Variants in SEMA4D observed in about 807,000 individuals in gnomAD.
SEMA4D encodes semaphorin 4D, also known as semaphorin-4D.
SEMA4D carries 22 observed loss-of-function variants against 74.8 expected under a neutral mutation model. That is an observed-to-expected ratio of 0.29 (90% CI 0.21 to 0.42). SEMA4D has a LOEUF of 0.42. SEMA4D is among the 10% of genes least tolerant of loss of function. The probability of loss-of-function intolerance (pLI) is 1.00; values close to 1 mark genes in which losing one functional copy is unlikely to be tolerated. For missense variants in SEMA4D, 937 were observed against 1,118.4 expected (o/e 0.84, Z 2.31); for synonymous variants, 445 against 463.7 (o/e 0.96, Z 0.52).
At chr9:89,445,907 C>T (rs1852710981) in intron 2 of SEMA4D, among the ~76,000 whole-genome samples, 1 of 152,140 alleles carries the variant, frequency 6.6e-6, no homozygotes, top group Non-Finnish European at 1.5e-5. Flanking sequence ...TCTCTGCAGG[C>T]TCAGCTGGAG....
intron 2 of SEMA4D, among the ~76,000 whole-genome samples, chr9:89,426,457 CCAGGACATGG>C (rs1848125495): frequency 1.3e-5 from 2 of 152,192 alleles, no homozygotes; most frequent in Admixed American, 6.5e-5. Flanking sequence ...GGCCTCCTCC[CCAGGACATGG>C]CTTTTGCCAG....
In SEMA4D at chr9:89,467,530, G is replaced by GTT. The variant is rs1256771251; in HGVS notation, c.-309-11578_-309-11577insAA. Among the ~76,000 whole-genome samples the GTT allele has an allele frequency of 5.8e-5, 8 of 137,466 alleles. 1 individual carries two copies. The highest frequency in any genetic ancestry group is 7.2e-5 in the Admixed American group (1 of 13,820). The allele number at this position is 137,466 out of a possible 152,430, so 90.2% of individuals were successfully genotyped here. A position where few individuals can be genotyped will look rare whatever the true frequency, so the allele number is the denominator to read the frequency against. On this transcript the variant is annotated intron_variant, in intron 1 of 15. Coordinates refer to ENST00000422704, the MANE Select transcript of SEMA4D (RefSeq NM_001371194.2). The stretch of plus-strand genomic sequence containing the variant: ...GGGGGAACCACACCTGGGAGCGCAT[G>GTT]ATTTTTTTTTTTTTTTTTTGAGACA...
At position 89,415,330 on chromosome 9, in the gene SEMA4D, T is replaced by C. The variant is rs183489775; in HGVS notation, c.-243-9631A>G. Among the ~76,000 whole-genome samples, 205 of 152,130 alleles carry C rather than the reference T, an allele frequency of 1.3e-3. 8 individuals are homozygous for C. In the East Asian group the frequency reaches 0.036, roughly 26 times the overall value. On this transcript the variant is annotated intron_variant, in intron 2 of 15. Transcript: ENST00000422704. ...ACTGGACACTGGCTCCCAGGCACAGTGTGGGGTTGTTCTGGGAAGTGGCTG... is the reference window on the plus strand; with the variant it reads ...ACTGGACACTGGCTCCCAGGCACAGCGTGGGGTTGTTCTGGGAAGTGGCTG...
rs1414309322 is a variant in SEMA4D at position 89,385,244 on chromosome 9, G to A, written c.1446+1123C>T. On this transcript the variant is annotated intron_variant, in intron 13 of 15. Transcript: ENST00000422704. ...AGCCTCCACCAGCCTGGGTCCCTAA[G>A]TGACCCTTGGAACAGAGTGTCATTC... 13 of 984,470 alleles carry A rather than the reference G, an allele frequency of 1.3e-5. No homozygotes were observed. The Admixed American group carries it at 2.5e-4, about 19-fold the overall frequency. 61.0% of individuals were successfully genotyped at this position (984,470 alleles called of 1,614,324 possible).
chr9:89,385,805 G>T, intron 13 of SEMA4D: 2 of 673,000 alleles, frequency 3.0e-6, no homozygotes, highest in Non-Finnish European at 3.7e-6. Flanking sequence ...CCCACAAGGT[G>T]GTTGGAGGTC....
intron 2 of SEMA4D, among the ~76,000 whole-genome samples, chr9:89,411,506 T>C (rs1844522035): frequency 6.6e-6 from 1 of 152,048 alleles, no homozygotes; most frequent in Admixed American, 6.5e-5. Context: ...AATACCAAAA[T>C]AGTGAAAATA....
intron 1 of SEMA4D, among the ~76,000 whole-genome samples, chr9:89,457,439 AAAG>A (rs1856214792): frequency 6.6e-6 from 1 of 152,246 alleles, no homozygotes; most frequent in Non-Finnish European, 1.5e-5. Flanking sequence ...CACCCATCAC[AAAG>A]AACAAGGAGG....
At chr9:89,394,951 T>C (rs1840617097) in intron 6 of SEMA4D, among the ~76,000 whole-genome samples, 1 of 152,218 alleles carries the variant, frequency 6.6e-6, no homozygotes, top group African/African-American at 2.4e-5. Flanking sequence ...TGAAGGCATT[T>C]GGGAGTCACG....
At position 89,378,857 on chromosome 9, in the gene SEMA4D, G is replaced by A; in HGVS notation, c.2436C>T (p.Asp812=). 3 of 1,614,208 alleles carry A rather than the reference G, an allele frequency of 1.9e-6. No individual in the cohort carries two copies. Among genetic ancestry groups the A allele is most frequent in the Non-Finnish European group, 2.5e-6 (3 of 1,180,040 alleles). The change falls in exon 16 of 16, where the codon GAC becomes GAT. Residue 812 remains aspartate (D), a synonymous_variant. Transcript: ENST00000422704. ...QNGEHPKPAL[D]TGYETEQDTI... Reference sequence around the variant, plus strand: ...TGTCTTGCTCGGTCTCATAGCCGGTGTCCAGGGCTGGCTTGGGGTGCTCCC... The same window carrying A: ...TGTCTTGCTCGGTCTCATAGCCGGTATCCAGGGCTGGCTTGGGGTGCTCCC...
intron 13 of SEMA4D, among the ~76,000 whole-genome samples, chr9:89,382,770 G>A (rs997684140): frequency 3.0e-4 from 45 of 152,314 alleles, no homozygotes; most frequent in South Asian, 2.1e-4. Context: ...GTTGGGTCCC[G>A]CGGGGGGCAC....
chr9:89,387,264 C>T, intron 12 of SEMA4D, 122 bp downstream of exon 12: 1 of 813,116 alleles, frequency 1.2e-6, no homozygotes, highest in Admixed American at 2.9e-5. Flanking sequence ...CACAAACCTC[C>T]CAGGTCACCT....
intron 2 of SEMA4D, chr9:89,436,619 G>C (rs10908926): frequency 6.6e-6 from 1 of 152,330 alleles, no homozygotes; most frequent in Non-Finnish European, 1.5e-5. Flanking sequence ...TTTAAACAGC[G>C]GGGCTGTTCA....
At chr9:89,466,213 C>T (rs1248929904) in intron 1 of SEMA4D, among the ~76,000 whole-genome samples, 1 of 152,156 alleles carries the variant, frequency 6.6e-6, no homozygotes, top group African/African-American at 2.4e-5. Flanking sequence ...ACGAAATGCT[C>T]AATGACACAC....
chr9:89,389,601 C>G (rs1839360506), intron 9 of SEMA4D, among the ~76,000 whole-genome samples: 1 of 152,186 alleles, frequency 6.6e-6, no homozygotes, highest in Non-Finnish European at 1.5e-5. Flanking sequence ...AACCTAAGTT[C>G]TTTATAAACG....
intron 1 of SEMA4D, among the ~76,000 whole-genome samples, chr9:89,464,600 G>T (rs998848769): frequency 6.6e-6 from 1 of 152,194 alleles, no homozygotes; most frequent in African/African-American, 2.4e-5. Flanking sequence ...CAAAGAAGAG[G>T]ACAGGGACAC....
chr9:89,370,436 G>A, intron 16 of SEMA4D, among the ~76,000 whole-genome samples: 1 of 151,272 alleles, frequency 6.6e-6, no homozygotes, highest in African/African-American at 2.4e-5. Flanking sequence ...TGTGGCTGGT[G>A]TGTGGTGTGT....
chr9:89,449,634 G>C (rs79103731), intron 2 of SEMA4D: 2 of 1,320,298 alleles, frequency 1.5e-6, no homozygotes, highest in Non-Finnish European at 1.1e-6. Flanking sequence ...ATGGGGGGGT[G>C]ACATTGCCAA....
intron 4 of SEMA4D, among the ~76,000 whole-genome samples, chr9:89,400,510 T>A (rs568444491): frequency 1.1e-4 from 17 of 152,200 alleles, no homozygotes; most frequent in Non-Finnish European, 2.1e-4. Flanking sequence ...AACCCCACTT[T>A]AGGTTTCTAA....
chr9:89,390,391 T>C (rs1839587531), intron 9 of SEMA4D, among the ~76,000 whole-genome samples: 1 of 152,144 alleles, frequency 6.6e-6, no homozygotes, highest in Admixed American at 6.5e-5. Context: ...CTGGAGGATC[T>C]GGTCAGTGAG....
Sources: allele counts gnomAD v4.1 joint callset (sites outside exome capture counted in the v4.1 genomes callset), GRCh38; gene constraint gnomAD v4.1.1; transcripts MANE v1.5; gene names NCBI Gene and HGNC (gene_info 2026-07-23, HGNC 2026-07-21).